Variants in TBC1D10A observed in about 807,000 individuals in gnomAD.
TBC1D10A encodes TBC1 domain family member 10A.
In TBC1D10A, 24 loss-of-function variants were observed where a neutral mutation model predicts 52.9. That is an observed-to-expected ratio of 0.45 (90% CI 0.33 to 0.64). TBC1D10A has a LOEUF of 0.64. Among genes scored for constraint, TBC1D10A ranks in the 30% least tolerant of loss-of-function variants. The pLI is 0.02. For missense variants in TBC1D10A, 602 were observed against 687.9 expected (o/e 0.88, Z 1.40); for synonymous variants, 278 against 282.9 (o/e 0.98, Z 0.17).
At chr22:30,325,477 A>G (rs535877844) in intron 1 of TBC1D10A, among the ~76,000 whole-genome samples, 2 of 152,298 alleles carry the variant, frequency 1.3e-5, no homozygotes, top group South Asian at 4.1e-4. Flanking sequence ...GGGCCCCAGG[A>G]GCTCCTACTG....
chr22:30,295,642 G>A (rs2097919), intron 4 of TBC1D10A, 95 bp downstream of exon 4: 723,483 of 1,241,246 alleles, frequency 0.58, 217,059 homozygotes, highest in African/African-American at 0.81. Context: ...TGGGGGCACC[G>A]AGCTTCTAAA....
Position 30,297,061 on chromosome 22 carries a change from A to C in TBC1D10A, c.418-1218T>G, listed in dbSNP as rs748152536. The C allele has an allele frequency of 1.3e-5, 2 of 152,304 alleles. No individual in the cohort carries two copies. Among genetic ancestry groups the C allele is most frequent in the African/African-American group, 2.4e-5 (1 of 41,464 alleles). 9.4% of individuals were successfully genotyped at this position (152,304 alleles called of 1,614,324 possible). A position where few individuals can be genotyped will look rare whatever the true frequency, so the allele number is the denominator to read the frequency against. ...CCTGCCCTGACGAGCAGGTGACTTC[A>C]TACAAGCCCCTTTCCCTCTCTGGCC... On this transcript the variant is annotated intron_variant, in intron 3 of 8. Transcript: ENST00000215790. The surrounding 1 kb of genome is among the most constrained non-coding windows in gnomAD (Gnocchi z 4.3).
At chr22:30,306,991 T>C (rs1162882533) in intron 1 of TBC1D10A, among the ~76,000 whole-genome samples, 1 of 152,262 alleles carries the variant, frequency 6.6e-6, no homozygotes, top group African/African-American at 2.4e-5. Flanking sequence ...ATAGAAATCC[T>C]TTCTACATTA....
At chr22:30,292,984 A>G in intron 8 of TBC1D10A, 133 bp from the exon 9 acceptor site, 1 of 1,020,306 alleles carries the variant, frequency 9.8e-7, no homozygotes, top group Non-Finnish European at 1.4e-6. Flanking sequence ...AGGAAGGATG[A>G]GGGTCTAGTC....
chr22:30,321,425 A>G (rs964388128), intron 1 of TBC1D10A, among the ~76,000 whole-genome samples: 1 of 152,250 alleles, frequency 6.6e-6, no homozygotes, highest in Non-Finnish European at 1.5e-5. Context: ...AAGGAGTCAG[A>G]ATCTGGCCTG....
chr22:30,294,251 A>C (rs572401834), intron 6 of TBC1D10A, 141 bp from the exon 7 acceptor site: 2 of 933,288 alleles, frequency 2.1e-6, no homozygotes, highest in South Asian at 3.3e-5. Flanking sequence ...GCCAGGTGCT[A>C]GGATACAATG....
chr22:30,302,855 C>T (rs902249072), intron 2 of TBC1D10A, among the ~76,000 whole-genome samples: 2 of 152,248 alleles, frequency 1.3e-5, no homozygotes, highest in Non-Finnish European at 2.9e-5. Context: ...TGCCAACCAC[C>T]AGTCACCATA....
chr22:30,298,070 T>G (rs1264806396), intron 3 of TBC1D10A: 1 of 152,250 alleles, frequency 6.6e-6, no homozygotes, highest in Non-Finnish European at 1.5e-5. Context: ...GAAGCACAGC[T>G]CTACACACAC....
intron 8 of TBC1D10A, 77 bp from the exon 9 acceptor site, chr22:30,292,928 A>T: frequency 6.6e-7 from 1 of 1,508,836 alleles, no homozygotes; most frequent in South Asian, 1.2e-5. Flanking sequence ...CTGGGCCCCC[A>T]GTCTTCCTCA....
chr22:30,319,196 T>C (rs1183754790), intron 1 of TBC1D10A, among the ~76,000 whole-genome samples: 8 of 152,226 alleles, frequency 5.3e-5, no homozygotes, highest in Non-Finnish European at 1.5e-5. Context: ...CAAATGCTAC[T>C]ACTTTCTAGG....
Position 30,292,716 on chromosome 22 carries a change from C to T in TBC1D10A, c.1186G>A (p.Ala396Thr). The change falls in exon 9 of 9, where the codon GCA (alanine) becomes ACA (threonine). Residue 396 changes from alanine (A) to threonine (T), a missense_variant. By Grantham distance (58) the Ala-to-Thr change is moderately conservative (BLOSUM62 0). Around this residue, in one of 3 missense-constraint regions of TBC1D10A, gnomAD observed 265 missense variants for 275.1 expected, o/e 0.96. Coordinates refer to ENST00000215790, the MANE Select transcript of TBC1D10A (RefSeq NM_031937.3). ...AGGGCAGGCCGGGGACCAGGTTCTG[C>T]ATCCAAGATAGCCTTGGCACCATGC... ...RLHGAKAILD[A>T]EPGPRPALQP... 1 of 1,609,252 alleles carries T rather than the reference C, an allele frequency of 6.2e-7. No individual in the cohort carries two copies. The highest frequency in any genetic ancestry group is 1.3e-5 in the African/African-American group (1 of 74,960).
chr22:30,308,284 A>ATGCCTGCATGCCTGCATTCCTGCC (rs1930351824), intron 1 of TBC1D10A, among the ~76,000 whole-genome samples: 1 of 119,664 alleles, frequency 8.4e-6, no homozygotes, highest in African/African-American at 3.2e-5. Context: ...CACAGCCTGC[A>ATGCCTGCATGCCTGCATTCCTGCC]TGCCTGCATG....
At chr22:30,314,579 G>T (rs1233653568) in intron 1 of TBC1D10A, among the ~76,000 whole-genome samples, 2 of 152,116 alleles carry the variant, frequency 1.3e-5, no homozygotes, top group Non-Finnish European at 2.9e-5. Flanking sequence ...GGAGGCAGAG[G>T]CCAGAGGATT....
At position 30,315,570 on chromosome 22, in the gene TBC1D10A, T is replaced by A. The variant is rs1930518665; in HGVS notation, c.210-10940A>T. Among the ~76,000 whole-genome samples the A allele has an allele frequency of 2.0e-5, 3 of 152,206 alleles. No individual in the cohort carries two copies. The South Asian group carries it at 6.2e-4, about 31-fold the overall frequency. ...GAGCCACAGTGCCCAGCCTAGGTTCTCTTTCTTTGTGAAGCCAAGCGAAGA... is the reference window on the plus strand; with the variant it reads ...GAGCCACAGTGCCCAGCCTAGGTTCACTTTCTTTGTGAAGCCAAGCGAAGA... On this transcript the variant is annotated intron_variant, in intron 1 of 8. Coordinates refer to ENST00000215790, the MANE Select transcript of TBC1D10A (RefSeq NM_031937.3).
At chr22:30,295,645 C>A (rs1434448657) in intron 4 of TBC1D10A, 92 bp downstream of exon 4, 8 of 1,313,136 alleles carry the variant, frequency 6.1e-6, no homozygotes, top group African/African-American at 2.9e-5. Flanking sequence ...GGGCACCGAG[C>A]TTCTAAAGCC....
In TBC1D10A at chr22:30,295,036, C is replaced by T; in HGVS notation, c.544G>A (p.Val182Met). Residue 182 changes from valine to methionine, a missense_variant, in exon 5 of 9, where the codon GTG becomes ATG. Val to Met is a conservative substitution (Grantham distance 21). Around this residue, in one of 3 missense-constraint regions of TBC1D10A, gnomAD observed 136 missense variants for 208.4 expected, o/e 0.65. Transcript: ENST00000215790. ...CGGTACAGCGTGTAGGCCTTCAGCA[C>T]ACGGAATAGGTCCTGCTGGCTGTGG... Reference protein sequence around the residue: ...GGHGQQDLFRVLKAYTLYRPE... With the variant: ...GGHGQQDLFRMLKAYTLYRPE... 1.2e-6 allele frequency: 2 copies of T among 1,613,988 alleles called. No homozygotes were observed. Among genetic ancestry groups the T allele is most frequent in the Admixed American group, 1.7e-5 (1 of 60,026 alleles).
chr22:30,321,929 C>A (rs1172896340), intron 1 of TBC1D10A, among the ~76,000 whole-genome samples: 1 of 152,050 alleles, frequency 6.6e-6, no homozygotes, highest in African/African-American at 2.4e-5. Context: ...TATCATCACT[C>A]CTCCCACCCT....
At chr22:30,308,288 CTGCA>C (rs199585965) in intron 1 of TBC1D10A, among the ~76,000 whole-genome samples, 11 of 144,674 alleles carry the variant, frequency 7.6e-5, no homozygotes, top group African/African-American at 2.8e-4. Flanking sequence ...GCCTGCATGC[CTGCA>C]TGCCTGCATG....
At chr22:30,312,359 A>C (rs559227252) in intron 1 of TBC1D10A, among the ~76,000 whole-genome samples, 1 of 152,326 alleles carries the variant, frequency 6.6e-6, no homozygotes, top group South Asian at 2.1e-4. Context: ...TATCCAACAG[A>C]AACCTCAGAC....
Sources: allele counts gnomAD v4.1 joint callset (sites outside exome capture counted in the v4.1 genomes callset), GRCh38; gene constraint gnomAD v4.1.1; regional missense constraint gnomAD v4.1.1; non-coding constraint Gnocchi (gnomAD v3.1); transcripts MANE v1.5; gene names NCBI Gene and HGNC (gene_info 2026-07-23, HGNC 2026-07-21).